Variants in FAM107B observed in about 807,000 individuals in gnomAD.
FAM107B encodes the protein family with sequence similarity 107 member B, also known as protein FAM107B.
Under a neutral mutation model 31.5 loss-of-function variants are expected in FAM107B, and 21 were observed. The observed-to-expected ratio is 0.67, with a 90% CI of 0.47 to 0.96. The LOEUF (loss-of-function observed/expected upper bound fraction) is 0.96, where lower values mean the gene tolerates loss of function less well. Ranked by LOEUF, FAM107B falls within the 40% of genes least tolerant of loss-of-function variation. FAM107B has a pLI of 0.00. For synonymous variants in FAM107B, 157 were observed against 141.5 expected (o/e 1.11, Z -0.78); for missense variants, 452 against 377.1 (o/e 1.20, Z -1.64).
chr10:14,709,595 G>A lies in FAM107B; in HGVS notation c.412-41904C>T, dbSNP rs146842634. On this transcript the variant is annotated intron_variant, in intron 1 of 4. Coordinates refer to ENST00000181796, the MANE Select transcript of FAM107B (RefSeq NM_031453.4). ...TCTTCCCACAACATGTGGCAATTGT[G>A]AGAGTTACAATTCAAGATGAGATTT... 2.8e-3 allele frequency among the ~76,000 whole-genome samples: 434 copies of A among 152,304 alleles called. 2 individuals carry two copies. The highest frequency in any genetic ancestry group is 9.9e-3 in the African/African-American group (413 of 41,562).
intron 1 of FAM107B, among the ~76,000 whole-genome samples, chr10:14,766,368 T>C (rs946872652): frequency 4.6e-5 from 7 of 152,200 alleles, no homozygotes; most frequent in African/African-American, 1.7e-4. Context: ...GCACAGCCCA[T>C]AGAAGTTATG....
chr10:14,571,532 A>G (rs1851224877), intron 2 of FAM107B, among the ~76,000 whole-genome samples: 1 of 152,226 alleles, frequency 6.6e-6, no homozygotes, highest in Admixed American at 6.5e-5. Flanking sequence ...GCATCTGAAG[A>G]AATTTTAGGA....
intron 1 of FAM107B, 151 bp downstream of exon 1, chr10:14,774,102 G>A (rs917575590): frequency 5.5e-5 from 50 of 904,934 alleles, no homozygotes; most frequent in Non-Finnish European, 7.6e-5. Context: ...AATCTACACG[G>A]CTTTAACACA....
intron 1 of FAM107B, among the ~76,000 whole-genome samples, chr10:14,676,791 C>T (rs1195012508): frequency 1.3e-5 from 2 of 152,246 alleles, no homozygotes. Flanking sequence ...GTAATTCACC[C>T]TGTCGTGGAT....
chr10:14,734,030 C>T (rs913294), intron 1 of FAM107B, among the ~76,000 whole-genome samples: 105,866 of 152,044 alleles, frequency 0.7, 37,720 homozygotes, highest in African/African-American at 0.87. Flanking sequence ...CATGGGCTGC[C>T]AAACACACCT....
chr10:14,552,057 G>A, intron 2 of FAM107B, among the ~76,000 whole-genome samples: 1 of 152,144 alleles, frequency 6.6e-6, no homozygotes, highest in East Asian at 1.9e-4. Context: ...GTAGAGAAAA[G>A]AAAAATGACA....
chr10:14,714,260 T>C (rs938422383), intron 1 of FAM107B, among the ~76,000 whole-genome samples: 1 of 152,164 alleles, frequency 6.6e-6, no homozygotes, highest in African/African-American at 2.4e-5. Flanking sequence ...TGGAGTAGCA[T>C]TGCTGGTAGG....
rs1588727805 is a variant in FAM107B, at chr10:14,718,576, C to G, written c.412-50885G>C. Among the ~76,000 whole-genome samples the G allele has an allele frequency of 5.3e-5, 8 of 151,736 alleles. No individual in the cohort carries two copies. The South Asian group carries it at 1.7e-3, about 32-fold the overall frequency. On this transcript the variant is annotated intron_variant, in intron 1 of 4. Coordinates refer to ENST00000181796, the MANE Select transcript of FAM107B (RefSeq NM_031453.4). ...GGAAGGAAGGAAGGAATTTGAATCT[C>G]TGACCTCACAGCAGAGTCAATAACA... is the stretch of plus-strand genomic sequence containing the variant.
intron 1 of FAM107B, among the ~76,000 whole-genome samples, chr10:14,762,754 TCACACACACACACACACA>T (rs35574582): frequency 1.1e-4 from 13 of 116,238 alleles, no homozygotes; most frequent in South Asian, 9.6e-4. Flanking sequence ...AAACTCTGTC[TCACACACACACACACACA>T]CACACACACA....
intron 2 of FAM107B, among the ~76,000 whole-genome samples, chr10:14,549,816 A>G (rs1205867859): frequency 6.6e-6 from 1 of 152,184 alleles, no homozygotes; most frequent in Non-Finnish European, 1.5e-5. Flanking sequence ...CACTATCTGT[A>G]TGGACAGTAA....
chr10:14,713,379 A>G (rs74122959), intron 1 of FAM107B, among the ~76,000 whole-genome samples: 19,463 of 152,254 alleles, frequency 0.13, 1,604 homozygotes, highest in African/African-American at 0.23. Context: ...TCACCATTAT[A>G]GCCCAAGATT....
chr10:14,648,445 G>A (rs1319924632), intron 2 of FAM107B, among the ~76,000 whole-genome samples: 1 of 152,194 alleles, frequency 6.6e-6, no homozygotes, highest in Non-Finnish European at 1.5e-5. Flanking sequence ...GCGAACTCAA[G>A]CTATTCAGAT....
intron 1 of FAM107B, among the ~76,000 whole-genome samples, chr10:14,747,167 C>G (rs1832743151): frequency 6.6e-6 from 1 of 152,176 alleles, no homozygotes; most frequent in African/African-American, 2.4e-5. Context: ...CCTCTCTAAA[C>G]TGGTTATTCT....
chr10:14,741,715 CTTTTTTT>C (rs769614377), intron 1 of FAM107B, among the ~76,000 whole-genome samples: 2 of 114,434 alleles, frequency 1.7e-5, no homozygotes, highest in African/African-American at 3.7e-5. Flanking sequence ...GCATAACTCC[CTTTTTTT>C]TTTTTTTTTT....
At chr10:14,604,347 C>A (rs1357043122) in intron 2 of FAM107B, 2 of 748,238 alleles carry the variant, frequency 2.7e-6, no homozygotes, top group African/African-American at 3.8e-5. Context: ...GGCGCGAGGG[C>A]GGCTCCGGGG....
At chr10:14,725,878 T>C (rs917502819) in intron 1 of FAM107B, among the ~76,000 whole-genome samples, 1 of 133,412 alleles carries the variant, frequency 7.5e-6, no homozygotes, top group African/African-American at 2.9e-5. Flanking sequence ...CAGGCTGGAG[T>C]GCAGTGGCAC....
At chr10:14,543,280 G>C (rs983112005) in intron 2 of FAM107B, among the ~76,000 whole-genome samples, 3 of 152,062 alleles carry the variant, frequency 2.0e-5, no homozygotes, top group African/African-American at 7.2e-5. Flanking sequence ...TTTACTAAAA[G>C]GAAAAGAAAA....
At chr10:14,657,459 C>T (rs1326556066) in intron 2 of FAM107B, among the ~76,000 whole-genome samples, 1 of 152,156 alleles carries the variant, frequency 6.6e-6, no homozygotes, top group African/African-American at 2.4e-5. Flanking sequence ...TAGGAGCATA[C>T]CATTGCTGGC....
intron 2 of FAM107B, among the ~76,000 whole-genome samples, chr10:14,553,648 T>A (rs892951563): frequency 6.6e-6 from 1 of 152,188 alleles, no homozygotes; most frequent in South Asian, 2.1e-4. Flanking sequence ...CCAAAACAGA[T>A]GAGGCAACAG....
Sources: allele counts gnomAD v4.1 joint callset (sites outside exome capture counted in the v4.1 genomes callset), GRCh38; gene constraint gnomAD v4.1.1; transcripts MANE v1.5; gene names NCBI Gene and HGNC (gene_info 2026-07-23, HGNC 2026-07-21).